The following OR1F1 variants were observed in gnomAD, a reference collection of about 807,000 sequenced individuals.
OR1F1 encodes the protein olfactory receptor family 1 subfamily F member 1.
For missense variants in OR1F1, 493 were observed against 376.3 expected (o/e 1.31, Z -2.57); for synonymous variants, 184 against 156.7 (o/e 1.17, Z -1.30).
chr16:3,204,577 G>A (rs1958179023), exon 1 of OR1F1: 1 of 1,614,136 alleles, frequency 6.2e-7, no homozygotes, highest in Middle Eastern at 1.7e-4. Flanking sequence ...CGTGGACATG[G>A]ACAATTTCCT....
chr16:3,188,854 C>T, the OR1F1 span, among the ~76,000 whole-genome samples: 18 of 152,346 alleles, frequency 1.2e-4, no homozygotes, highest in African/African-American at 4.3e-4. Flanking sequence ...ATTCTTGCTC[C>T]TCCTCACGTC....
At chr16:3,194,007 A>G in the OR1F1 span, among the ~76,000 whole-genome samples, 4 of 152,214 alleles carry the variant, frequency 2.6e-5, no homozygotes, top group South Asian at 4.1e-4. Flanking sequence ...CACCGACCGT[A>G]GGTGACTTGG....
At chr16:3,200,229 G>A (rs998356793), upstream of OR1F1, among the ~76,000 whole-genome samples, 1 of 152,102 alleles carries the variant, frequency 6.6e-6, no homozygotes, top group African/African-American at 2.4e-5. Context: ...CAGTGCACAA[G>A]TGCTGTAGCT....
At chr16:3,205,073 T>G (rs1411772658) in exon 1 of OR1F1, 3 of 1,614,028 alleles carry the variant, frequency 1.9e-6, no homozygotes, top group Non-Finnish European at 2.5e-6. Flanking sequence ...ATGGCTACTG[T>G]GTTGTATACA....
chr16:3,195,142 C>G, the OR1F1 span, among the ~76,000 whole-genome samples: 1 of 152,198 alleles, frequency 6.6e-6, no homozygotes, highest in Non-Finnish European at 1.5e-5. Flanking sequence ...GAGCCCGGGT[C>G]CTGGACCCAA....
the OR1F1 span, chr16:3,189,691 A>G: frequency 9.2e-5 from 14 of 151,784 alleles, no homozygotes; most frequent in East Asian, 1.4e-3. Flanking sequence ...CCGGGTTCAA[A>G]TCCCGGACGA....
chr16:3,191,553 G>C, the OR1F1 span, among the ~76,000 whole-genome samples: 1 of 152,176 alleles, frequency 6.6e-6, no homozygotes, highest in Non-Finnish European at 1.5e-5. Flanking sequence ...AGGGTCGTGG[G>C]TTCGAGCCCC....
At chr16:3,200,654 A>G (rs535695754), upstream of OR1F1, among the ~76,000 whole-genome samples, 7 of 152,350 alleles carry the variant, frequency 4.6e-5, no homozygotes, top group Admixed American at 2.0e-4. Context: ...GAAAAGGTCA[A>G]TTTGAAGGCA....
At chr16:3,195,296 A>C in the OR1F1 span, among the ~76,000 whole-genome samples, 4 of 152,328 alleles carry the variant, frequency 2.6e-5, no homozygotes, top group East Asian at 7.7e-4. Context: ...AAAGAAAAGA[A>C]AACAGAAAAA....
At chr16:3,204,944 G>A in exon 1 of OR1F1, 2 of 1,614,096 alleles carry the variant, frequency 1.2e-6, no homozygotes, top group Non-Finnish European at 1.7e-6. Flanking sequence ...TCCACAAAGG[G>A]AAGGTGGAAA....
the OR1F1 span, among the ~76,000 whole-genome samples, chr16:3,190,928 A>G: frequency 6.6e-6 from 1 of 152,210 alleles, no homozygotes; most frequent in Non-Finnish European, 1.5e-5. Flanking sequence ...CCTATGTAAA[A>G]TGCTCTCCTT....
chr16:3,195,324 A>C, the OR1F1 span, among the ~76,000 whole-genome samples: 1 of 152,328 alleles, frequency 6.6e-6, no homozygotes, highest in African/African-American at 2.4e-5. Flanking sequence ...AAAACAAAAC[A>C]ACAAACAAAC....
downstream of OR1F1, among the ~76,000 whole-genome samples, chr16:3,205,556 C>G (rs960274758): frequency 6.6e-6 from 1 of 151,792 alleles, no homozygotes; most frequent in Admixed American, 6.6e-5. Context: ...GTCAGGGACC[C>G]TGAACAGAGG....
exon 1 of OR1F1, chr16:3,204,522 C>A (rs947561508): frequency 1.9e-6 from 3 of 1,614,192 alleles, no homozygotes; most frequent in Admixed American, 3.3e-5. Flanking sequence ...CTCAGACCAT[C>A]TCCTTCTGTG....
At chr16:3,203,814 G>A (rs1157791187), upstream of OR1F1, among the ~76,000 whole-genome samples, 1 of 152,162 alleles carries the variant, frequency 6.6e-6, no homozygotes, top group Non-Finnish European at 1.5e-5. Flanking sequence ...ATAACTGCTT[G>A]TCAGGACTTA....
At chr16:3,194,992 T>A in the OR1F1 span, among the ~76,000 whole-genome samples, 1 of 152,170 alleles carries the variant, frequency 6.6e-6, no homozygotes, top group African/African-American at 2.4e-5. Flanking sequence ...GGTCCAGGAT[T>A]TGGGGTCCAG....
chr16:3,191,839 C>T, the OR1F1 span, among the ~76,000 whole-genome samples: 2 of 152,140 alleles, frequency 1.3e-5, no homozygotes, highest in Admixed American at 6.6e-5. Flanking sequence ...CCTCTCCCCA[C>T]TTTGTGCGGT....
chr16:3,202,297 A>T (rs1958143617), upstream of OR1F1, among the ~76,000 whole-genome samples: 1 of 152,206 alleles, frequency 6.6e-6, no homozygotes, highest in East Asian at 1.9e-4. Context: ...AAGCCAATGC[A>T]GTAGTGAGAT....
exon 1 of OR1F1, chr16:3,204,896 C>T (rs1447217399): frequency 3.1e-6 from 5 of 1,614,056 alleles, no homozygotes; most frequent in Non-Finnish European, 3.4e-6. Flanking sequence ...ATCCTGGCTT[C>T]TTATATGCAC....
Sources: gnomAD v4.1 joint callset for allele counts (sites outside exome capture counted in the v4.1 genomes callset) on GRCh38, gnomAD v4.1.1 for gene constraint, MANE v1.5 for transcripts, NCBI Gene and HGNC (gene_info 2026-07-23, HGNC 2026-07-21) for gene names.